The following HEXB variants were observed in gnomAD, a reference collection of about 807,000 sequenced individuals.
HEXB encodes the protein hexosaminidase subunit beta.
A neutral mutation model predicts 71.2 loss-of-function variants in HEXB; 51 were observed. That is an observed-to-expected ratio of 0.72 (90% CI 0.57 to 0.90). The LOEUF is 0.90. Among genes scored for constraint, HEXB ranks in the 40% least tolerant of loss-of-function variants. The probability of loss-of-function intolerance (pLI) is 0.00; values close to 1 mark genes in which losing one functional copy is unlikely to be tolerated. For synonymous variants in HEXB, 266 were observed against 249.3 expected (o/e 1.07, Z -0.63); for missense variants, 617 against 677.0 (o/e 0.91, Z 0.98).
intron 1 of HEXB, among the ~76,000 whole-genome samples, chr5:74,650,570 G>A (rs1048258776): frequency 2.6e-5 from 4 of 152,078 alleles, no homozygotes; most frequent in African/African-American, 7.2e-5. Flanking sequence ...CTTGTCCCTC[G>A]GTACTGAGTG....
intron 11 of HEXB, 170 bp from the exon 12 acceptor site, chr5:74,720,258 G>C (rs868039724): frequency 3.8e-5 from 25 of 650,266 alleles, no homozygotes; most frequent in Non-Finnish European, 6.4e-5. Flanking sequence ...TGGGGGAAGA[G>C]GAGGGGCCAT....
chr5:74,678,227 G>A (rs1748671776), intron 1 of HEXB, among the ~76,000 whole-genome samples: 2 of 152,070 alleles, frequency 1.3e-5, no homozygotes, highest in Admixed American at 1.3e-4. Context: ...GAACCCAGAA[G>A]GCGGAGGTTG....
intron 5 of HEXB, among the ~76,000 whole-genome samples, chr5:74,703,593 C>A (rs1283046877): frequency 6.6e-6 from 1 of 152,188 alleles, no homozygotes; most frequent in Non-Finnish European, 1.5e-5. Flanking sequence ...ACACACACAT[C>A]TTTCCCTATT....
chr5:74,669,112 C>T (rs1748487838), intron 1 of HEXB, among the ~76,000 whole-genome samples: 1 of 152,058 alleles, frequency 6.6e-6, no homozygotes. Flanking sequence ...CCACCACGCC[C>T]TATTAATTTT....
At chr5:74,671,971 T>C (rs145272603) in intron 1 of HEXB, among the ~76,000 whole-genome samples, 191 of 152,326 alleles carry the variant, frequency 1.3e-3, no homozygotes, top group African/African-American at 4.6e-3. Context: ...TGGCGGCCAC[T>C]CGTTTGCTGT....
intron 1 of HEXB, among the ~76,000 whole-genome samples, chr5:74,650,558 C>G (rs1429175158): frequency 6.6e-6 from 1 of 152,162 alleles, no homozygotes; most frequent in Non-Finnish European, 1.5e-5. Flanking sequence ...GCTGCCTTTC[C>G]TCTTGTCCCT....
At position 74,677,062 on chromosome 5, in the gene HEXB, T is replaced by C. The variant is rs996298284; in HGVS notation, c.-376-12266T>C. On this transcript the variant is annotated intron_variant, in intron 1 of 13. Transcript: ENST00000511181. ...CCACCACACCCCATTAATTTTTGTATTTTTAGTAGAGATGGGGTTTCAACA... is the reference window on the plus strand; with the variant it reads ...CCACCACACCCCATTAATTTTTGTACTTTTAGTAGAGATGGGGTTTCAACA... 5.3e-5 allele frequency among the ~76,000 whole-genome samples: 8 copies of C among 151,904 alleles called. 1 individual carries two copies. Among genetic ancestry groups the C allele is most frequent in the African/African-American group, 1.9e-4 (8 of 41,364 alleles).
intron 1 of HEXB, among the ~76,000 whole-genome samples, chr5:74,680,128 A>G (rs1387997203): frequency 6.6e-6 from 1 of 152,202 alleles, no homozygotes; most frequent in Non-Finnish European, 1.5e-5. Flanking sequence ...CACTGCCAGC[A>G]TGAACTGAAA....
intron 1 of HEXB, among the ~76,000 whole-genome samples, chr5:74,656,410 C>G (rs1748218410): frequency 6.6e-6 from 1 of 151,786 alleles, no homozygotes; most frequent in Non-Finnish European, 1.5e-5. Flanking sequence ...ACCCGGGAGG[C>G]ACAGGTTGCA....
upstream of HEXB, among the ~76,000 whole-genome samples, chr5:74,684,097 G>A (rs1413562975): frequency 3.9e-5 from 6 of 152,152 alleles, no homozygotes; most frequent in African/African-American, 1.4e-4. Context: ...GGGATTTCAG[G>A]CGTGAGCCGC....
At chr5:74,686,475 T>C (rs1367120012) in intron 1 of HEXB, among the ~76,000 whole-genome samples, 1 of 152,192 alleles carries the variant, frequency 6.6e-6, no homozygotes. Flanking sequence ...GTGGATACTA[T>C]AGAGCTTAAG....
chr5:74,672,142 C>T (rs1580370569), intron 1 of HEXB, among the ~76,000 whole-genome samples: 1 of 152,284 alleles, frequency 6.6e-6, no homozygotes, highest in Non-Finnish European at 1.5e-5. Flanking sequence ...TCTCTAGCGT[C>T]ATGACTTTGT....
intron 1 of HEXB, among the ~76,000 whole-genome samples, chr5:74,654,730 T>C (rs1561202298): frequency 7.9e-5 from 12 of 152,034 alleles, no homozygotes; most frequent in Admixed American, 7.2e-4. Flanking sequence ...AAGGTTAAAC[T>C]AGAAAGACAT....
In HEXB at chr5:74,705,242, T is replaced by C; in HGVS notation, c.693T>C (p.Phe231=). 1 of 1,610,812 alleles carries C rather than the reference T, an allele frequency of 6.2e-7. No individual in the cohort carries two copies. Among genetic ancestry groups the C allele is most frequent in the Non-Finnish European group, 8.5e-7 (1 of 1,177,004 alleles). The change falls in exon 6 of 14, where the codon TTT becomes TTC. Residue 231 remains phenylalanine, a synonymous_variant. Coordinates refer to ENST00000261416, the MANE Select transcript of HEXB (RefSeq NM_000521.4). The part of the protein sequence containing the change: ...KTLDAMAFNK[F]NVLHWHIVDD... ...AGGATGCCATGGCTTTTAATAAGTTTAATGTTCTTCACTGGCACATAGTTG... is the reference window on the plus strand; with the variant it reads ...AGGATGCCATGGCTTTTAATAAGTTCAATGTTCTTCACTGGCACATAGTTG...
chr5:74,646,859 G>T (rs374634582), intron 1 of HEXB, among the ~76,000 whole-genome samples: 15 of 152,014 alleles, frequency 9.9e-5, no homozygotes, highest in Non-Finnish European at 1.5e-4. Context: ...GAGCCACCAC[G>T]CCCGGCAACA....
At chr5:74,714,581 T>C (rs1749629038) in intron 7 of HEXB, among the ~76,000 whole-genome samples, 4 of 152,202 alleles carry the variant, frequency 2.6e-5, no homozygotes, top group Admixed American at 2.6e-4. Context: ...GAACTTTGGC[T>C]TTGGAGCCAG....
At chr5:74,719,954 A>ACAC (rs1554037038) in intron 11 of HEXB, 1 of 158,038 alleles carries the variant, frequency 6.3e-6, no homozygotes, top group Non-Finnish European at 1.4e-5. Flanking sequence ...AAAAAAAAAA[A>ACAC]ACACACACAT....
At chr5:74,671,867 G>C (rs1349749026) in intron 1 of HEXB, among the ~76,000 whole-genome samples, 3 of 152,132 alleles carry the variant, frequency 2.0e-5, no homozygotes, top group African/African-American at 7.2e-5. Context: ...CTTCCTGGGT[G>C]TCCGATTCTG....
intron 5 of HEXB, among the ~76,000 whole-genome samples, chr5:74,704,862 C>T (rs956237594): frequency 8.5e-5 from 13 of 152,178 alleles, no homozygotes; most frequent in South Asian, 6.2e-4. Flanking sequence ...GAGGCCAAGG[C>T]GGGTGGTTGG....
Sources: gnomAD v4.1 joint callset for allele counts (sites outside exome capture counted in the v4.1 genomes callset) on GRCh38, gnomAD v4.1.1 for gene constraint, MANE v1.5 for transcripts, NCBI Gene and HGNC (gene_info 2026-07-23, HGNC 2026-07-21) for gene names.